The following LCA5 variants were observed in gnomAD, a reference collection of about 807,000 sequenced individuals.
The protein encoded by LCA5 is lebercilin LCA5, also known as lebercilin.
A neutral mutation model predicts 53.0 loss-of-function variants in LCA5; 37 were observed. The ratio of observed to expected loss-of-function variants is 0.70; its 90% CI spans 0.54 to 0.92. LCA5 has a LOEUF of 0.92. Among genes scored for constraint, LCA5 ranks in the 40% least tolerant of loss-of-function variants. LCA5 has a pLI of 0.00. For missense variants in LCA5, 806 were observed against 790.5 expected (o/e 1.02, Z -0.23); for synonymous variants, 303 against 282.9 (o/e 1.07, Z -0.71).
At chr6:79,491,239 T>G (rs754220106) in intron 6 of LCA5, among the ~76,000 whole-genome samples, 1 of 152,044 alleles carries the variant, frequency 6.6e-6, no homozygotes, top group Admixed American at 6.6e-5. Context: ...GCACCTGAAA[T>G]AGGTGATGTA....
chr6:79,489,963 G>A (rs1189681597), intron 6 of LCA5, among the ~76,000 whole-genome samples: 2 of 152,038 alleles, frequency 1.3e-5, no homozygotes, highest in Non-Finnish European at 2.9e-5. Flanking sequence ...ACCAAATGCT[G>A]CTTCCCCTCC....
chr6:79,489,390 C>A (rs570919514), intron 6 of LCA5, among the ~76,000 whole-genome samples, 174 bp from the exon 7 acceptor site: 26 of 152,060 alleles, frequency 1.7e-4, no homozygotes, highest in Admixed American at 5.2e-4. Flanking sequence ...TCTTCAAAAC[C>A]GCACAGGATT....
intron 7 of LCA5, 39 bp from the exon 8 acceptor site, chr6:79,487,905 A>C (rs373982637): frequency 2.0e-6 from 3 of 1,487,476 alleles, no homozygotes; most frequent in Non-Finnish European, 2.8e-6. Flanking sequence ...ATTTTGTAAC[A>C]GTCAATATTT....
In LCA5 at chr6:79,485,956, C is replaced by G. The variant is rs1156822722; in HGVS notation, c.*1048G>C. On this transcript the variant is annotated 3_prime_UTR_variant, in exon 8 of 8. Transcript: ENST00000369846. ...CCAATGCATTTAAACAGAAAACTAT[C>G]CACTCTAGTCAACAAGGCAGAAGTC... 6.6e-6 allele frequency: 1 copy of G among 152,126 alleles called. No homozygotes were observed. The highest frequency in any genetic ancestry group is 1.5e-5 in the Non-Finnish European group (1 of 68,024). The allele number at this position is 152,126 out of a possible 1,614,324, so 9.4% of individuals were successfully genotyped here. A position where few individuals can be genotyped will look rare whatever the true frequency, so the allele number is the denominator to read the frequency against.
chr6:79,527,788 T>C (rs1378963430), intron 1 of LCA5, among the ~76,000 whole-genome samples: 2 of 152,154 alleles, frequency 1.3e-5, no homozygotes, highest in African/African-American at 2.4e-5. Context: ...GTCTTGGGTA[T>C]ATGGGTTAAG....
intron 1 of LCA5, among the ~76,000 whole-genome samples, chr6:79,520,084 T>C (rs1453372551): frequency 6.6e-6 from 1 of 152,146 alleles, no homozygotes; most frequent in Non-Finnish European, 1.5e-5. Flanking sequence ...TAACCTTTGA[T>C]ACAATAATTT....
At chr6:79,503,413 T>C (rs1391498162) in intron 3 of LCA5, among the ~76,000 whole-genome samples, 2 of 152,074 alleles carry the variant, frequency 1.3e-5, no homozygotes, top group Non-Finnish European at 2.9e-5. Context: ...TGCCAAAATT[T>C]GAAAAACCAA....
intron 1 of LCA5, among the ~76,000 whole-genome samples, chr6:79,536,876 C>A (rs938584835): frequency 6.6e-6 from 1 of 152,138 alleles, no homozygotes; most frequent in African/African-American, 2.4e-5. Flanking sequence ...AGTAAATACC[C>A]TTTCCCAGCT....
intron 3 of LCA5, among the ~76,000 whole-genome samples, chr6:79,497,460 C>A (rs574329994): frequency 6.6e-6 from 1 of 152,086 alleles, no homozygotes; most frequent in African/African-American, 2.4e-5. Flanking sequence ...AATACAAAAA[C>A]CTCATCTATA....
intron 1 of LCA5, among the ~76,000 whole-genome samples, chr6:79,523,536 A>G (rs914523943): frequency 6.6e-6 from 1 of 152,258 alleles, no homozygotes. Flanking sequence ...CTTGGTAAAT[A>G]TCAACAATTA....
chr6:79,491,466 T>C (rs570118979), intron 6 of LCA5, 122 bp downstream of exon 6: 2 of 1,012,296 alleles, frequency 2.0e-6, no homozygotes, highest in African/African-American at 1.6e-5. Context: ...TCAAAAAGGC[T>C]AGTCGCATAT....
Position 79,513,686 on chromosome 6 carries a change from T to A in LCA5, c.246A>T (p.Gly82=). Residue 82 remains glycine, a synonymous_variant, in exon 3 of 8, where the codon GGA becomes GGT. Coordinates refer to ENST00000369846, the MANE Select transcript of LCA5 (RefSeq NM_001122769.3). Reference sequence around the variant, plus strand: ...CTCTATTGAGGCTCTGGGAGCGAAATCCCACTCGGACTCCCTTTCTGTTTG... The same window carrying A: ...CTCTATTGAGGCTCTGGGAGCGAAAACCCACTCGGACTCCCTTTCTGTTTG... The part of the protein sequence containing the change: ...GLPNRKGVRV[G]FRSQSLNREP... 6.2e-7 allele frequency: 1 copy of A among 1,613,738 alleles called. No individual in the cohort carries two copies. Among genetic ancestry groups the A allele is most frequent in the Non-Finnish European group, 8.5e-7 (1 of 1,179,794 alleles).
chr6:79,534,711 G>T (rs1324506677), intron 1 of LCA5, among the ~76,000 whole-genome samples: 1 of 152,104 alleles, frequency 6.6e-6, no homozygotes, highest in African/African-American at 2.4e-5. Flanking sequence ...CAGAGGTTAA[G>T]CACAATTATA....
At chr6:79,494,059 T>A (rs1462928427) in intron 3 of LCA5, among the ~76,000 whole-genome samples, 1 of 152,086 alleles carries the variant, frequency 6.6e-6, no homozygotes, top group Non-Finnish European at 1.5e-5. Flanking sequence ...GAGACCAGCC[T>A]AGACAACAAA....
rs767141458 is a variant in LCA5 at position 79,518,741 on chromosome 6, T to C, written c.154A>G (p.Lys52Glu). The C allele has an allele frequency of 2.5e-6, 4 of 1,614,152 alleles. No homozygotes were observed. Among genetic ancestry groups the C allele is most frequent in the Non-Finnish European group, 3.4e-6 (4 of 1,179,990 alleles). Reference sequence around the variant, plus strand: ...ACTTGGCCATCTGAAGTTTGTCTTTTAGGATTTTTTCTCCTAACACTTGCA... The same window carrying C: ...ACTTGGCCATCTGAAGTTTGTCTTTCAGGATTTTTTCTCCTAACACTTGCA... ...SPASVRRKNP[K>E]RQTSDGQVHH... The change falls in exon 2 of 8, where the codon AAA becomes GAA. Residue 52 changes from lysine to glutamate, a missense_variant. Transcript: ENST00000369846.
chr6:79,491,846 A>T, intron 5 of LCA5, 116 bp from the exon 6 acceptor site: 1 of 796,070 alleles, frequency 1.3e-6, no homozygotes, highest in South Asian at 1.5e-5. Flanking sequence ...ATGTACATTT[A>T]TATGCACCAC....
intron 3 of LCA5, among the ~76,000 whole-genome samples, chr6:79,502,873 T>C (rs1582629203): frequency 6.6e-6 from 1 of 151,904 alleles, no homozygotes; most frequent in African/African-American, 2.4e-5. Flanking sequence ...TATGATTCTT[T>C]TTTGTTTTGT....
chr6:79,528,042 TCAA>T (rs1766842756), intron 1 of LCA5, among the ~76,000 whole-genome samples: 1 of 152,186 alleles, frequency 6.6e-6, no homozygotes, highest in Non-Finnish European at 1.5e-5. Flanking sequence ...GTACAAGCCC[TCAA>T]CAAGAGTAAC....
intron 7 of LCA5, chr6:79,488,482 G>C (rs1258035081): frequency 6.5e-6 from 1 of 153,782 alleles, no homozygotes; most frequent in African/African-American, 2.4e-5. Context: ...TCATGATCTT[G>C]TACCAGAGGG....
Sources: gnomAD v4.1 joint callset for allele counts (sites outside exome capture counted in the v4.1 genomes callset) on GRCh38, gnomAD v4.1.1 for gene constraint, MANE v1.5 for transcripts, NCBI Gene and HGNC (gene_info 2026-07-23, HGNC 2026-07-21) for gene names.